HYDIN: variants seen among roughly 807,000 people sequenced by gnomAD.
HYDIN encodes the protein HYDIN axonemal central pair apparatus protein.
A neutral mutation model predicts 403.9 loss-of-function variants in HYDIN; 132 were observed. That is an observed-to-expected ratio of 0.33 (90% confidence interval 0.28 to 0.38). HYDIN has a LOEUF of 0.38. Ranked by LOEUF, HYDIN falls within the 10% of genes least tolerant of loss-of-function variation. The probability of loss-of-function intolerance (pLI) is 1.00; values close to 1 mark genes in which losing one functional copy is unlikely to be tolerated. For missense variants in HYDIN, 2,827 were observed against 5,009.5 expected (o/e 0.56, Z 13.15); for synonymous variants, 1,202 against 1,891.7 (o/e 0.64, Z 9.46).
At chr16:70,809,711 G>C (rs1294318979) in intron 85 of HYDIN, 72 bp downstream of exon 85, 16 of 1,183,380 alleles carry the variant, frequency 1.4e-5, no homozygotes, top group Non-Finnish European at 2.0e-5. Context: ...TGCTCCCTGT[G>C]TCTCCTCTCA....
intron 83 of HYDIN, among the ~76,000 whole-genome samples, chr16:70,826,418 C>G (rs2036592010): frequency 6.6e-6 from 1 of 151,858 alleles, no homozygotes; most frequent in Non-Finnish European, 1.5e-5. Flanking sequence ...ATAGCTTATC[C>G]TTATTTCATG....
chr16:71,084,454 T>TC, intron 12 of HYDIN, among the ~76,000 whole-genome samples: 1 of 150,476 alleles, frequency 6.6e-6, no homozygotes, highest in South Asian at 2.1e-4. Context: ...TGGCACAATC[T>TC]CCGCTCACTG....
intron 1 of HYDIN, among the ~76,000 whole-genome samples, chr16:71,220,564 G>A (rs546868140): frequency 1.3e-5 from 2 of 152,258 alleles, no homozygotes; most frequent in Non-Finnish European, 2.9e-5. Context: ...TTCTTCAGCT[G>A]GCATTTGCTA....
chr16:71,100,323 G>T (rs1170361221), intron 10 of HYDIN, among the ~76,000 whole-genome samples: 3 of 152,176 alleles, frequency 2.0e-5, no homozygotes, highest in Non-Finnish European at 2.9e-5. Flanking sequence ...TCTCCCAACA[G>T]ATTTATATCT....
At chr16:71,135,611 T>G (rs1415401440) in intron 8 of HYDIN, among the ~76,000 whole-genome samples, 1 of 151,476 alleles carries the variant, frequency 6.6e-6, no homozygotes, top group African/African-American at 2.4e-5. Context: ...TTTCTTTACT[T>G]GGATCTCCTT....
In HYDIN at chr16:70,805,664, C is replaced by T. The variant is rs2035076598; in HGVS notation, c.*1916G>A. On this transcript the variant is annotated 3_prime_UTR_variant, in exon 86 of 86. Coordinates refer to ENST00000393567, the MANE Select transcript of HYDIN (RefSeq NM_001270974.2). ...CAAGTCATCACTCTTGCTCATTGATCTTAGCATCCTCTCAGATTATTGGTC... is the reference window on the plus strand; with the variant it reads ...CAAGTCATCACTCTTGCTCATTGATTTTAGCATCCTCTCAGATTATTGGTC... 2.0e-5 allele frequency among the ~76,000 whole-genome samples: 3 copies of T among 152,182 alleles called. No homozygotes were observed. The highest frequency in any genetic ancestry group is 6.5e-5 in the Admixed American group (1 of 15,284).
Position 71,043,748 on chromosome 16 carries a change from A to C in HYDIN, c.2530-11831T>G, listed in dbSNP as rs148183074. ...TATGTTTTTGGTTTCTTTCTTCTGC[A>C]TTACAGGTTTTCTTGGTGGAGCCTG... On this transcript the variant is annotated intron_variant, in intron 18 of 85. Coordinates refer to ENST00000393567, the MANE Select transcript of HYDIN (RefSeq NM_001270974.2). Among the ~76,000 whole-genome samples the C allele has an allele frequency of 1.6e-3, 237 of 148,396 alleles. 1 individual carries two copies. Among genetic ancestry groups the C allele is most frequent in the African/African-American group, 5.6e-3 (227 of 40,420 alleles).
rs551906086 is a variant in HYDIN at position 71,172,353 on chromosome 16, T to A, written c.516+3254A>T. Among the ~76,000 whole-genome samples the A allele has an allele frequency of 4.9e-3, 745 of 152,340 alleles. 4 individuals are homozygous for A. Among genetic ancestry groups the A allele is most frequent in the Non-Finnish European group, 8.9e-3 (603 of 68,024 alleles). On this transcript the variant is annotated intron_variant, in intron 5 of 85. Coordinates refer to ENST00000393567, the MANE Select transcript of HYDIN (RefSeq NM_001270974.2). Reference sequence around the variant, plus strand: ...GTTTTGCTTTCCCACAAAAGCCTAATATTTTTCTTTCTCATTTTAATGGTA... The same window carrying A: ...GTTTTGCTTTCCCACAAAAGCCTAAAATTTTTCTTTCTCATTTTAATGGTA...
chr16:71,074,472 A>C (rs1297674448), intron 13 of HYDIN, among the ~76,000 whole-genome samples: 5 of 152,080 alleles, frequency 3.3e-5, no homozygotes, highest in Admixed American at 3.3e-4. Flanking sequence ...ACCTGAGGTC[A>C]GGAGTTCCAG....
At chr16:71,042,597 T>C (rs1429214884) in intron 18 of HYDIN, among the ~76,000 whole-genome samples, 1 of 152,162 alleles carries the variant, frequency 6.6e-6, no homozygotes, top group African/African-American at 2.4e-5. Flanking sequence ...TATAAAAAAA[T>C]GGTCTATGAC....
intron 60 of HYDIN, among the ~76,000 whole-genome samples, chr16:70,882,413 A>G (rs910906418): frequency 1.3e-5 from 2 of 152,258 alleles, no homozygotes; most frequent in Admixed American, 6.5e-5. Flanking sequence ...CATAGTGAGC[A>G]TTCAATGGAG....
At chr16:71,009,651 G>A (rs2080010821) in intron 23 of HYDIN, among the ~76,000 whole-genome samples, 1 of 151,296 alleles carries the variant, frequency 6.6e-6, no homozygotes, top group Non-Finnish European at 1.5e-5. Flanking sequence ...TAGAGAAGGG[G>A]TGATTATCCT....
At chr16:71,089,291 C>T (rs1356960020) in intron 11 of HYDIN, among the ~76,000 whole-genome samples, 2 of 152,170 alleles carry the variant, frequency 1.3e-5, no homozygotes, top group Non-Finnish European at 2.9e-5. Flanking sequence ...CCTCAGTCTA[C>T]TGTCCCTACA....
chr16:70,932,009 CAAAAAAAAAAAA>C (rs57391181), intron 45 of HYDIN, among the ~76,000 whole-genome samples: 2 of 29,072 alleles, frequency 6.9e-5, no homozygotes, highest in Non-Finnish European at 1.0e-4. Flanking sequence ...AGACTTGTAT[CAAAAAAAAAAAA>C]AAAAAAAAAA....
intron 5 of HYDIN, among the ~76,000 whole-genome samples, chr16:71,166,065 G>A (rs2086211145): frequency 6.7e-6 from 1 of 148,910 alleles, no homozygotes; most frequent in African/African-American, 2.5e-5. Flanking sequence ...AGCGGGAAGA[G>A]GGAGGCCAGT....
chr16:70,834,520 C>T (rs1798376), intron 78 of HYDIN, among the ~76,000 whole-genome samples: 2 of 151,586 alleles, frequency 1.3e-5, no homozygotes, highest in Non-Finnish European at 2.9e-5. Context: ...CTCAAGGAGT[C>T]TTCCCTGCCT....
chr16:71,156,253 G>A (rs1453819638), intron 6 of HYDIN, among the ~76,000 whole-genome samples: 9 of 152,196 alleles, frequency 5.9e-5, no homozygotes, highest in South Asian at 2.1e-4. Context: ...TGTGCTAATC[G>A]TTGGGTTTAG....
intron 1 of HYDIN, among the ~76,000 whole-genome samples, chr16:71,198,558 C>G (rs149187834): frequency 6.6e-6 from 1 of 152,220 alleles, no homozygotes; most frequent in East Asian, 1.9e-4. Flanking sequence ...GTTCTACTAG[C>G]CCCCCGCCAG....
chr16:70,811,867 A>AG (rs1291316559), intron 84 of HYDIN, among the ~76,000 whole-genome samples: 11 of 137,356 alleles, frequency 8.0e-5, no homozygotes, highest in African/African-American at 3.0e-4. Flanking sequence ...TGGGAAAAAA[A>AG]AAAAATCAGA....
Sources: gnomAD v4.1 joint callset for allele counts (sites outside exome capture counted in the v4.1 genomes callset) on GRCh38, gnomAD v4.1.1 for gene constraint, MANE v1.5 for transcripts, NCBI Gene and HGNC (gene_info 2026-07-23, HGNC 2026-07-21) for gene names.